ZNF578: variants seen among roughly 807,000 people sequenced by gnomAD.
The protein encoded by ZNF578 is zinc finger protein 578, also known as Putative chemokine-related protein B42.
In ZNF578, 8 loss-of-function variants were observed where a neutral mutation model predicts 8.3. The ratio of observed to expected loss-of-function variants is 0.96; its 90% CI spans 0.56 to 1.74. The LOEUF (loss-of-function observed/expected upper bound fraction) is 1.74. ZNF578 is among the 40% of genes most tolerant of loss of function. ZNF578 has a pLI of 0.00. For missense variants in ZNF578, 726 were observed against 707.5 expected (o/e 1.03, Z -0.30); for synonymous variants, 206 against 232.2 (o/e 0.89, Z 1.03).
At chr19:52,508,516 G>C (rs2059433206) in intron 5 of ZNF578, among the ~76,000 whole-genome samples, 1 of 151,890 alleles carries the variant, frequency 6.6e-6, no homozygotes, top group African/African-American at 2.4e-5. Context: ...GATGATAGTG[G>C]ACCGAGCGCG....
At chr19:52,459,713 A>ATGTGTGTGTATATGTGTG (rs2059250691) in intron 2 of ZNF578, among the ~76,000 whole-genome samples, 1 of 18,234 alleles carries the variant, frequency 5.5e-5, no homozygotes, top group African/African-American at 1.4e-4. Flanking sequence ...ATATGTAGAT[A>ATGTGTGTGTATATGTGTG]TGTGTGTGTG....
chr19:52,471,573 T>C (rs2059291902), intron 2 of ZNF578, among the ~76,000 whole-genome samples: 1 of 152,138 alleles, frequency 6.6e-6, no homozygotes, highest in Non-Finnish European at 1.5e-5. Flanking sequence ...CACAAGTGGG[T>C]ACTCCAACCC....
rs1225641304 is a variant in ZNF578 at position 52,501,852 on chromosome 19, C to T, written c.7C>T (p.His3Tyr). The change falls in exon 4 of 6, where the codon CAT (histidine) becomes TAT (tyrosine). Residue 3 changes from histidine to tyrosine, a missense_variant. Physicochemically the swap from His to Tyr is moderately conservative, Grantham distance 83. Transcript: ENST00000421239. ML[H>Y]EEAAQKRKGK... Reference sequence around the variant, plus strand: ...GATTGATTTCTAAAGACTCATGTTACATGAGGAAGCAGCTCAGAAGAGGAA... The same window carrying T: ...GATTGATTTCTAAAGACTCATGTTATATGAGGAAGCAGCTCAGAAGAGGAA... 6.2e-7 allele frequency: 1 copy of T among 1,613,554 alleles called. No individual in the cohort carries two copies. Among genetic ancestry groups the T allele is most frequent in the East Asian group, 2.2e-5 (1 of 44,876 alleles).
Position 52,511,874 on chromosome 19 carries a change from T to C in ZNF578, c.1493T>C (p.Leu498Pro), listed in dbSNP as rs1425664803. 6.2e-7 allele frequency: 1 copy of C among 1,613,788 alleles called. No homozygotes were observed. Among genetic ancestry groups the C allele is most frequent in the Non-Finnish European group, 8.5e-7 (1 of 1,179,888 alleles). Reference protein sequence around the residue: ...CHKTFSHRSSLPCHRRLHSGE... With the variant: ...CHKTFSHRSSPPCHRRLHSGE... ...AAGACCTTCAGTCACAGGTCATCTC[T>C]TCCATGCCATCGTAGACTTCATAGT... is the stretch of plus-strand genomic sequence containing the variant. The change falls in exon 6 of 6, where the codon CTT becomes CCT. Residue 498 changes from leucine to proline, a missense_variant. Leu to Pro is a moderately conservative substitution (Grantham distance 98). Transcript: ENST00000421239.
intron 2 of ZNF578, among the ~76,000 whole-genome samples, chr19:52,480,099 C>T (rs541409170): frequency 1.8e-4 from 28 of 152,160 alleles, no homozygotes; most frequent in Non-Finnish European, 3.1e-4. Flanking sequence ...TTAGTAGAGA[C>T]GGGGTTTCAC....
chr19:52,482,877 G>A (rs868232911), intron 2 of ZNF578, among the ~76,000 whole-genome samples: 15 of 149,362 alleles, frequency 1.0e-4, no homozygotes, highest in African/African-American at 3.7e-4. Flanking sequence ...GGAGGCAGAG[G>A]TTGCAGTGAG....
At chr19:52,476,434 G>A (rs2059308535) in intron 2 of ZNF578, among the ~76,000 whole-genome samples, 1 of 152,136 alleles carries the variant, frequency 6.6e-6, no homozygotes, top group African/African-American at 2.4e-5. Flanking sequence ...AGTTGGCAGA[G>A]GAGAAATATC....
At chr19:52,509,299 G>T (rs548245544) in intron 5 of ZNF578, among the ~76,000 whole-genome samples, 2 of 152,236 alleles carry the variant, frequency 1.3e-5, no homozygotes, top group South Asian at 4.1e-4. Flanking sequence ...CTTATATTGT[G>T]TGCTGGTGGT....
At chr19:52,505,620 T>C (rs1169591335) in intron 5 of ZNF578, among the ~76,000 whole-genome samples, 5 of 151,904 alleles carry the variant, frequency 3.3e-5, no homozygotes, top group African/African-American at 1.2e-4. Context: ...GAGACGGGGT[T>C]TCACCGTGTT....
chr19:52,494,815 T>G (rs2059379960), intron 3 of ZNF578, among the ~76,000 whole-genome samples: 1 of 152,136 alleles, frequency 6.6e-6, no homozygotes, highest in South Asian at 2.1e-4. Flanking sequence ...CTTTCTGTTA[T>G]TATGTAATAC....
intron 2 of ZNF578, among the ~76,000 whole-genome samples, chr19:52,471,152 A>C (rs371322437): frequency 7.2e-5 from 11 of 152,158 alleles, no homozygotes; most frequent in African/African-American, 2.2e-4. Context: ...TGCTTCCGGC[A>C]CACCCTGCAG....
At chr19:52,493,142 G>A (rs2059372378) in intron 3 of ZNF578, among the ~76,000 whole-genome samples, 1 of 152,090 alleles carries the variant, frequency 6.6e-6, no homozygotes, top group African/African-American at 2.4e-5. Context: ...CTCCCGCCCC[G>A]TGCTTCTTAA....
Position 52,511,340 on chromosome 19 carries a change from G to A in ZNF578, c.959G>A (p.Cys320Tyr), listed in dbSNP as rs774023523. 1.2e-6 allele frequency: 2 copies of A among 1,614,062 alleles called. No individual in the cohort carries two copies. Residue 320 changes from cysteine to tyrosine, a missense_variant, in exon 6 of 6, where the codon TGT becomes TAT. By Grantham distance (194) the Cys-to-Tyr change is radical. Transcript: ENST00000421239. ...TGEKPYKCNECGKSFSYKSSL... is the reference protein window; with the variant it reads ...TGEKPYKCNEYGKSFSYKSSL... ...GAGAAACCTTACAAGTGTAATGAAT[G>A]TGGAAAGTCCTTCAGTTACAAGTCA...
At chr19:52,489,671 CTT>C (rs532140264) in intron 2 of ZNF578, among the ~76,000 whole-genome samples, 1 of 146,994 alleles carries the variant, frequency 6.8e-6, no homozygotes, top group Non-Finnish European at 1.5e-5. Flanking sequence ...AGAAATTCTT[CTT>C]TTTTTTTTTT....
rs372765751 is a variant in ZNF578 at position 52,510,993 on chromosome 19, T to C, written c.612T>C (p.Thr204=). Residue 204 remains threonine (T), a synonymous_variant, in exon 6 of 6, where the codon ACT becomes ACC. Coordinates refer to ENST00000421239, the MANE Select transcript of ZNF578 (RefSeq NM_001099694.2). ...QRISCRPETH[T]PNNYGNNFFH... is the part of the protein sequence containing the mutation. ...TTTCTTGTAGGCCTGAAACACATAC[T>C]CCTAATAACTATGGGAATAATTTTT... The C allele has an allele frequency of 1.2e-6, 2 of 1,614,134 alleles. No individual in the cohort carries two copies. Among genetic ancestry groups the C allele is most frequent in the Non-Finnish European group, 1.7e-6 (2 of 1,180,028 alleles).
chr19:52,493,872 G>A (rs1278575082), intron 3 of ZNF578, among the ~76,000 whole-genome samples: 1 of 151,732 alleles, frequency 6.6e-6, no homozygotes, highest in Non-Finnish European at 1.5e-5. Context: ...TGCCTGTAAC[G>A]CCAGCTATTA....
rs547605136 is a variant in ZNF578, at chr19:52,473,111, G to C, written c.-122+16153G>C. On this transcript the variant is annotated intron_variant, in intron 2 of 5. Transcript: ENST00000421239. The stretch of plus-strand genomic sequence containing the variant: ...TCAAAGATATATCTTTTGATGTCTA[G>C]TGATGTGGCAGGCCTCGACAAAGCC... Among the ~76,000 whole-genome samples the C allele has an allele frequency of 3.9e-5, 6 of 152,280 alleles. No individual in the cohort carries two copies. The East Asian group carries it at 1.2e-3, about 29-fold the overall frequency.
intron 3 of ZNF578, among the ~76,000 whole-genome samples, chr19:52,493,671 G>T (rs187857627): frequency 5.3e-5 from 8 of 152,060 alleles, no homozygotes; most frequent in African/African-American, 1.7e-4. Flanking sequence ...GAGGACGATC[G>T]AAAGATTGGG....
At chr19:52,498,837 G>A (rs1338491038) in intron 3 of ZNF578, among the ~76,000 whole-genome samples, 3 of 151,898 alleles carry the variant, frequency 2.0e-5, no homozygotes, top group Non-Finnish European at 2.9e-5. Context: ...TGCACGCCAC[G>A]ATGCCTGGCT....
Sources: allele counts gnomAD v4.1 joint callset (sites outside exome capture counted in the v4.1 genomes callset), GRCh38; gene constraint gnomAD v4.1.1; transcripts MANE v1.5; gene names NCBI Gene and HGNC (gene_info 2026-07-23, HGNC 2026-07-21).